SPI1: variants seen among roughly 807,000 people sequenced by gnomAD.
SPI1 encodes the protein Spi-1 proto-oncogene.
A neutral mutation model predicts 30.7 loss-of-function variants in SPI1; 3 were observed. The ratio of observed to expected loss-of-function variants is 0.10; its 90% confidence interval spans 0.04 to 0.25. The LOEUF is 0.25. SPI1 is among the 10% of genes least tolerant of loss of function. The pLI is 1.00. For missense variants in SPI1, 261 were observed against 371.5 expected, an observed-to-expected ratio of 0.70 and a Z score of 2.45; for synonymous variants, 169 against 157.1, an observed-to-expected ratio of 1.08 and a Z score of -0.56.
At chr11:47,358,279 C>A in intron 4 of SPI1, 1 of 476,898 alleles carries the variant, frequency 2.1e-6, no homozygotes, top group Non-Finnish European at 3.8e-6. Context: ...CTGTCACACC[C>A]CCACTCACAC....
At position 47,375,696 on chromosome 11, in the gene SPI1, G is replaced by C; in HGVS notation, c.79C>G (p.Leu27Val). The change falls in exon 2 of 5, where the codon CTA (leucine) becomes GTA (valine). Residue 27 changes from leucine (L) to valine (V), a missense_variant. This residue lies in a region of SPI1 where 78 missense variants were observed against 93.2 expected (regional missense o/e 0.84). Transcript: ENST00000378538. The surrounding 1 kb of genome is among the most constrained non-coding windows in gnomAD (Gnocchi z 4.2). Reference protein sequence around the residue: ...SEDLVPYDTDLYQRQTHEYYP... With the variant: ...SEDLVPYDTDVYQRQTHEYYP... ...TACTCGTGCGTTTGGCGTTGGTATA[G>C]ATCCGTGTCATAGGGCACCAGGTCT... The C allele has an allele frequency of 1.2e-6, 2 of 1,614,006 alleles. No homozygotes were observed. Among genetic ancestry groups the C allele is most frequent in the South Asian group, 1.1e-5 (1 of 91,078 alleles).
chr11:47,377,623 A>T (rs936999753), intron 1 of SPI1, among the ~76,000 whole-genome samples: 1 of 151,292 alleles, frequency 6.6e-6, no homozygotes, highest in African/African-American at 2.4e-5. Flanking sequence ...CCCAGCCCCA[A>T]TCTCAGTCCT....
In SPI1 at chr11:47,354,969, G is replaced by T; in HGVS notation, c.*258C>A. The T allele has an allele frequency of 3.1e-6, 1 of 323,834 alleles. No individual in the cohort carries two copies. The highest frequency in any genetic ancestry group is 5.6e-6 in the Non-Finnish European group (1 of 178,456). 20.1% of individuals were successfully genotyped at this position (323,834 alleles called of 1,614,324 possible). A position where few individuals can be genotyped will look rare whatever the true frequency, so the allele number is the denominator to read the frequency against. ...CTTGAGACTCCCAAGGCAGTACCCC[G>T]GGTCGTCCTCTGCAAGGTTGCCCCG... On this transcript the variant is annotated 3_prime_UTR_variant, in exon 5 of 5. Transcript: ENST00000378538.
chr11:47,355,928 C>T (rs994130659), intron 4 of SPI1, among the ~76,000 whole-genome samples: 1 of 150,514 alleles, frequency 6.6e-6, no homozygotes, highest in Non-Finnish European at 1.5e-5. Context: ...CTTCTCACAC[C>T]CACTCACACT....
intron 4 of SPI1, among the ~76,000 whole-genome samples, chr11:47,356,222 C>T (rs1457975900): frequency 4.6e-5 from 7 of 151,564 alleles, no homozygotes; most frequent in Non-Finnish European, 1.0e-4. Flanking sequence ...CACATGCTCA[C>T]ACACTCATTC....
At chr11:47,365,074 C>T (rs2095926436) in intron 2 of SPI1, among the ~76,000 whole-genome samples, 1 of 152,164 alleles carries the variant, frequency 6.6e-6, no homozygotes, top group Admixed American at 6.5e-5. Context: ...ATTCCAAATA[C>T]AGAGCCCTCT....
rs770397030 is a variant in SPI1, at chr11:47,375,745, G to A, written c.46-16C>T. The A allele has an allele frequency of 1.3e-5, 21 of 1,606,734 alleles. No homozygotes were observed. Among genetic ancestry groups the A allele is most frequent in the Non-Finnish European group, 1.8e-5 (21 of 1,173,760 alleles). On this transcript the variant is annotated splice_polypyrimidine_tract_variant and intron_variant, in intron 1 of 4. Coordinates refer to ENST00000378538, the MANE Select transcript of SPI1 (RefSeq NM_003120.3). The surrounding 1 kb of genome is among the most constrained non-coding windows in gnomAD (Gnocchi z 4.2). ...CTTCTGATGGCTGCTGAGAGAGGAG[G>A]TGTCAGGGCCTGCACCATGGTGGGA...
rs181799034 is a variant in SPI1 at position 47,369,144 on chromosome 11, C to T, written c.142+6489G>A. Reference sequence around the variant, plus strand: ...GCGCATGCCTGTAATCCCAGCTACTCGGGAGGCTGAGGCAGGAGAATCACT... The same window carrying T: ...GCGCATGCCTGTAATCCCAGCTACTTGGGAGGCTGAGGCAGGAGAATCACT... On this transcript the variant is annotated intron_variant, in intron 2 of 4. Coordinates refer to ENST00000378538, the MANE Select transcript of SPI1 (RefSeq NM_003120.3). Among the ~76,000 whole-genome samples the T allele has an allele frequency of 4.1e-3, 624 of 152,084 alleles. 2 individuals carry two copies. Among genetic ancestry groups the T allele is most frequent in the Admixed American group, 7.2e-3 (110 of 15,264 alleles).
chr11:47,378,245 G>C, intron 1 of SPI1, 64 bp downstream of exon 1: 1 of 1,555,706 alleles, frequency 6.4e-7, no homozygotes, highest in Non-Finnish European at 8.8e-7. Context: ...TGGCGGGTTC[G>C]TGGGCAGGCA....
At chr11:47,371,884 CT>C (rs1317415609) in intron 2 of SPI1, among the ~76,000 whole-genome samples, 10 of 152,140 alleles carry the variant, frequency 6.6e-5, no homozygotes, top group Non-Finnish European at 1.5e-4. Flanking sequence ...CCTGTGCTCA[CT>C]GGCCTCTCTG....
intron 1 of SPI1, among the ~76,000 whole-genome samples, chr11:47,376,307 A>G (rs2095942214): frequency 6.6e-6 from 1 of 151,442 alleles, no homozygotes; most frequent in Admixed American, 6.6e-5. Context: ...ACACACACTC[A>G]CACCCCCAGA....
intron 2 of SPI1, among the ~76,000 whole-genome samples, chr11:47,367,261 A>G (rs979244436): frequency 1.4e-4 from 22 of 152,084 alleles, no homozygotes; most frequent in African/African-American, 4.1e-4. Flanking sequence ...TTCTTCATCA[A>G]TCCTATTGTA....
Position 47,375,880 on chromosome 11 carries a change from G to A in SPI1, c.46-151C>T, listed in dbSNP as rs1415373573. Reference sequence around the variant, plus strand: ...TCCCTCTGCCTGGAACTGGGACAGAGAGTGGGGCAGGGGACCCAGAAGGCC... The same window carrying A: ...TCCCTCTGCCTGGAACTGGGACAGAAAGTGGGGCAGGGGACCCAGAAGGCC... On this transcript the variant is annotated intron_variant, in intron 1 of 4. Coordinates refer to ENST00000378538, the MANE Select transcript of SPI1 (RefSeq NM_003120.3). This position sits in a 1 kb window ranked among gnomAD's most constrained non-coding sequence, Gnocchi z 4.2. 1.4e-6 allele frequency: 1 copy of A among 710,996 alleles called. No homozygotes were observed. Among genetic ancestry groups the A allele is most frequent in the Non-Finnish European group, 2.5e-6 (1 of 395,254 alleles). 44.0% of individuals were successfully genotyped at this position (710,996 alleles called of 1,614,324 possible).
chr11:47,360,093 G>GGT, intron 2 of SPI1, 53 bp from the exon 3 acceptor site: 89 of 1,349,586 alleles, frequency 6.6e-5, no homozygotes, highest in Middle Eastern at 2.0e-4. Flanking sequence ...GGCAGGGCAG[G>GGT]AAAAGGTTAT....
chr11:47,378,156 G>T (rs1048001689), intron 1 of SPI1, among the ~76,000 whole-genome samples, 153 bp downstream of exon 1: 1 of 152,238 alleles, frequency 6.6e-6, no homozygotes, highest in Non-Finnish European at 1.5e-5. Flanking sequence ...TGGCCCCCTC[G>T]CTGGGTCTCA....
chr11:47,359,060 G>A lies in SPI1; in HGVS notation c.331-54C>T. 3 of 1,486,936 alleles carry A rather than the reference G, an allele frequency of 2.0e-6. No homozygotes were observed. Among genetic ancestry groups the A allele is most frequent in the Non-Finnish European group, 2.7e-6 (3 of 1,115,774 alleles). The allele number at this position is 1,486,936 out of a possible 1,614,324, so 92.1% of individuals were successfully genotyped here. ...CAGGAAGGGCCAGCTTACAGCTCAG[G>A]GGGGCTGGGAGGGAGGTCAGCTGGG... is the stretch of plus-strand genomic sequence containing the variant. On this transcript the variant is annotated intron_variant, in intron 3 of 4. Coordinates refer to ENST00000378538, the MANE Select transcript of SPI1 (RefSeq NM_003120.3). This position sits in a 1 kb window ranked among gnomAD's most constrained non-coding sequence, Gnocchi z 5.1.
At position 47,359,510 on chromosome 11, in the gene SPI1, G is replaced by A. The variant is rs2095917428; in HGVS notation, c.330+343C>T. Among the ~76,000 whole-genome samples the A allele has an allele frequency of 6.6e-6, 1 of 152,140 alleles. No homozygotes were observed. Among genetic ancestry groups the A allele is most frequent in the South Asian group, 2.1e-4 (1 of 4,828 alleles). The stretch of plus-strand genomic sequence containing the variant: ...CTGGGGAGAGGCAGGGTCAGTAGAG[G>A]TGTTCAGTGACTTGGTGTGGGATCC... On this transcript the variant is annotated intron_variant, in intron 3 of 4. Coordinates refer to ENST00000378538, the MANE Select transcript of SPI1 (RefSeq NM_003120.3). This position sits in a 1 kb window ranked among gnomAD's most constrained non-coding sequence, Gnocchi z 5.1.
intron 4 of SPI1, among the ~76,000 whole-genome samples, chr11:47,356,055 AC>A (rs2095908350): frequency 6.6e-6 from 1 of 150,560 alleles, no homozygotes; most frequent in Non-Finnish European, 1.5e-5. Context: ...GCACGTGCTC[AC>A]AGACTCACAC....
chr11:47,378,222 G>A (rs1235613525), intron 1 of SPI1, 87 bp downstream of exon 1: 9 of 1,381,412 alleles, frequency 6.5e-6, no homozygotes, highest in Non-Finnish European at 9.2e-6. Flanking sequence ...AGCCAGGAGG[G>A]CAGTGGGTGG....
Sources: gnomAD v4.1 joint callset for allele counts (sites outside exome capture counted in the v4.1 genomes callset) on GRCh38, gnomAD v4.1.1 for gene constraint, gnomAD v4.1.1 regional missense constraint, Gnocchi (gnomAD v3.1) non-coding constraint, MANE v1.5 for transcripts, NCBI Gene and HGNC (gene_info 2026-07-23, HGNC 2026-07-21) for gene names.